Variants in ST3GAL1 observed in about 807,000 individuals in gnomAD.
ST3GAL1 encodes the protein ST3 beta-galactoside alpha-2,3-sialyltransferase 1, also known as CMP-N-acetylneuraminate-beta-galactosamide-alpha-2,3-sialyltransferase 1.
Under a neutral mutation model 34.1 loss-of-function variants are expected in ST3GAL1, and 16 were observed. That is an observed-to-expected ratio of 0.47 (90% CI 0.32 to 0.71). The LOEUF (loss-of-function observed/expected upper bound fraction) is 0.71, where lower values mean the gene tolerates loss of function less well. Ranked by LOEUF, ST3GAL1 falls within the 30% of genes least tolerant of loss-of-function variation. The pLI, the probability that ST3GAL1 is intolerant of heterozygous loss-of-function variation, is 0.04. For missense variants in ST3GAL1, 353 were observed against 447.4 expected (o/e 0.79, Z 1.90); for synonymous variants, 191 against 184.7 (o/e 1.03, Z -0.28).
chr8:133,495,049 G>T (rs1404358910), intron 3 of ST3GAL1, among the ~76,000 whole-genome samples: 2 of 150,822 alleles, frequency 1.3e-5, no homozygotes, highest in Non-Finnish European at 2.9e-5. Flanking sequence ...CTCCTGAGTA[G>T]CTGGGACTAC....
chr8:133,499,787 G>A (rs547165141), intron 2 of ST3GAL1, among the ~76,000 whole-genome samples: 25 of 152,286 alleles, frequency 1.6e-4, no homozygotes, highest in African/African-American at 5.1e-4. Context: ...CGTACTAAGG[G>A]GAGCAAGGGC....
At chr8:133,510,718 A>G (rs775714983) in intron 2 of ST3GAL1, among the ~76,000 whole-genome samples, 2 of 152,222 alleles carry the variant, frequency 1.3e-5, no homozygotes, top group Non-Finnish European at 2.9e-5. Flanking sequence ...CACCAGCCCA[A>G]TTTCAAGTGG....
chr8:133,540,602 CTT>C (rs1440968898), intron 2 of ST3GAL1, among the ~76,000 whole-genome samples: 1 of 151,654 alleles, frequency 6.6e-6, no homozygotes. Flanking sequence ...CGTCATGTGA[CTT>C]TGTTCTAGAA....
At chr8:133,561,951 C>T (rs1819236418) in intron 1 of ST3GAL1, among the ~76,000 whole-genome samples, 2 of 152,016 alleles carry the variant, frequency 1.3e-5, no homozygotes, top group African/African-American at 4.8e-5. Context: ...CAAGAGTGAT[C>T]CACAATGGCG....
At chr8:133,552,289 G>C (rs1373487315) in intron 1 of ST3GAL1, among the ~76,000 whole-genome samples, 2 of 152,202 alleles carry the variant, frequency 1.3e-5, no homozygotes, top group Admixed American at 1.3e-4. Flanking sequence ...GATCAAGACT[G>C]AGACAGTCTA....
chr8:133,551,592 AAGAAAGAAAG>A (rs1181099824), intron 1 of ST3GAL1, among the ~76,000 whole-genome samples: 3 of 149,968 alleles, frequency 2.0e-5, no homozygotes. Context: ...GAAAGAAAGA[AAGAAAGAAAG>A]AAAGAAAGAA....
intron 3 of ST3GAL1, among the ~76,000 whole-genome samples, chr8:133,485,362 A>C (rs1182230321): frequency 6.6e-6 from 1 of 152,092 alleles, no homozygotes; most frequent in Non-Finnish European, 1.5e-5. Flanking sequence ...GCCTTCTTCT[A>C]CCTCCAGGCA....
chr8:133,524,663 GGT>G (rs1191201957), intron 2 of ST3GAL1, among the ~76,000 whole-genome samples: 3 of 152,384 alleles, frequency 2.0e-5, no homozygotes, highest in Middle Eastern at 6.8e-3. Context: ...CAGGTACGCT[GGT>G]TGCTGCGACA....
chr8:133,540,884 C>CATATATATAGAGAT (rs1818469822), intron 2 of ST3GAL1, among the ~76,000 whole-genome samples: 2 of 88,030 alleles, frequency 2.3e-5, no homozygotes, highest in Non-Finnish European at 2.2e-5. Flanking sequence ...TATATAGAGA[C>CATATATATAGAGAT]ATATATATAG....
intron 1 of ST3GAL1, among the ~76,000 whole-genome samples, chr8:133,569,385 G>C (rs1395823285): frequency 6.6e-6 from 1 of 152,224 alleles, no homozygotes; most frequent in Non-Finnish European, 1.5e-5. Context: ...TGTAGAGTAT[G>C]AACTACCTAT....
intron 2 of ST3GAL1, among the ~76,000 whole-genome samples, chr8:133,540,776 G>GACATATATATAT (rs1563733918): frequency 4.1e-5 from 3 of 73,836 alleles, no homozygotes; most frequent in African/African-American, 2.2e-4. Flanking sequence ...TATATATATA[G>GACATATATATAT]AGACATATAT....
intron 8 of ST3GAL1, among the ~76,000 whole-genome samples, chr8:133,463,010 G>C (rs115269429): frequency 6.6e-6 from 1 of 152,222 alleles, no homozygotes; most frequent in Non-Finnish European, 1.5e-5. Flanking sequence ...CATGCCAGGG[G>C]CCTGCTGGGG....
At chr8:133,555,553 T>TA (rs1226511195) in intron 1 of ST3GAL1, among the ~76,000 whole-genome samples, 27 of 150,678 alleles carry the variant, frequency 1.8e-4, no homozygotes, top group African/African-American at 4.6e-4. Context: ...ATGGTTTTCC[T>TA]AAAAAAAAAG....
intron 2 of ST3GAL1, among the ~76,000 whole-genome samples, chr8:133,515,075 C>T (rs1006124193): frequency 6.6e-6 from 1 of 152,202 alleles, no homozygotes; most frequent in Admixed American, 6.5e-5. Context: ...CTCCCCCACC[C>T]TCTGCCAGCT....
At chr8:133,540,511 G>C (rs1200233402) in intron 2 of ST3GAL1, among the ~76,000 whole-genome samples, 2 of 152,052 alleles carry the variant, frequency 1.3e-5, no homozygotes, top group African/African-American at 4.8e-5. Context: ...GCCCCCTGAA[G>C]AAGACTGAAT....
At chr8:133,512,293 C>T (rs2978026) in intron 2 of ST3GAL1, among the ~76,000 whole-genome samples, 39,168 of 151,880 alleles carry the variant, frequency 0.26, 5,285 homozygotes, top group African/African-American at 0.31. Flanking sequence ...ACTTGGAGTC[C>T]GATGTTCGAG....
intron 1 of ST3GAL1, among the ~76,000 whole-genome samples, chr8:133,546,996 C>T (rs1248606747): frequency 7.7e-6 from 1 of 130,170 alleles, no homozygotes; most frequent in African/African-American, 3.2e-5. Flanking sequence ...CAGCGAGACT[C>T]CATCTCAGGA....
chr8:133,478,528 C>A (rs1171086575), intron 3 of ST3GAL1, among the ~76,000 whole-genome samples: 1 of 152,182 alleles, frequency 6.6e-6, no homozygotes, highest in African/African-American at 2.4e-5. Context: ...GGGAATAAAT[C>A]CCCTTTATGG....
At chr8:133,540,956 CAT>C (rs768009053) in intron 2 of ST3GAL1, among the ~76,000 whole-genome samples, 29 of 76,742 alleles carry the variant, frequency 3.8e-4, no homozygotes, top group African/African-American at 8.9e-4. Flanking sequence ...TATATATAGA[CAT>C]ATATATAGAC....
Sources: allele counts gnomAD v4.1 joint callset (sites outside exome capture counted in the v4.1 genomes callset), GRCh38; gene constraint gnomAD v4.1.1; transcripts MANE v1.5; gene names NCBI Gene and HGNC (gene_info 2026-07-23, HGNC 2026-07-21).